ZNF670: variants seen among roughly 807,000 people sequenced by gnomAD.
ZNF670 encodes zinc finger protein 670.
Under a neutral mutation model 10.9 loss-of-function variants are expected in ZNF670, and 7 were observed. That is an observed-to-expected ratio of 0.64 (90% CI 0.36 to 1.20). ZNF670 has a LOEUF of 1.20. ZNF670 is among the 50% of genes most tolerant of loss of function. The probability of loss-of-function intolerance (pLI) is 0.02; values close to 1 mark genes in which losing one functional copy is unlikely to be tolerated. For missense variants in ZNF670, 446 were observed against 458.6 expected (o/e 0.97, Z 0.25); for synonymous variants, 136 against 152.7 (o/e 0.89, Z 0.81).
At chr1:247,053,658 AAAC>A (rs1165772965) in intron 1 of ZNF670, among the ~76,000 whole-genome samples, 14 of 144,106 alleles carry the variant, frequency 9.7e-5, no homozygotes, top group South Asian at 2.1e-4. Flanking sequence ...ACAAACAAAC[AAAC>A]AAAAATGGCA....
chr1:247,043,571 T>C, intron 1 of ZNF670: 6 of 651,526 alleles, frequency 9.2e-6, no homozygotes, highest in South Asian at 6.8e-5. Context: ...CTTCCAAAAG[T>C]CTCACAATTC....
intron 1 of ZNF670, among the ~76,000 whole-genome samples, chr1:247,067,092 G>A (rs1247166966): frequency 6.6e-6 from 1 of 152,100 alleles, no homozygotes; most frequent in African/African-American, 2.4e-5. Flanking sequence ...CTGAGGCTAT[G>A]TCATGGTTAC....
rs1243671850 is a variant in ZNF670, at chr1:247,035,103, T to C, written c.*2346A>G. Among the ~76,000 whole-genome samples, 1 of 152,200 alleles carries C rather than the reference T, an allele frequency of 6.6e-6. No individual in the cohort carries two copies. Among genetic ancestry groups the C allele is most frequent in the East Asian group, 1.9e-4 (1 of 5,192 alleles). On this transcript the variant is annotated 3_prime_UTR_variant, in exon 4 of 4. Transcript: ENST00000366503. ...TGTTTCTAATTCAGGTGACTTCTGT[T>C]ATATTATGGAACCAGTTAGACAAAA...
At chr1:247,054,192 A>AG (rs1470078288) in intron 1 of ZNF670, among the ~76,000 whole-genome samples, 4 of 152,214 alleles carry the variant, frequency 2.6e-5, no homozygotes, top group African/African-American at 9.6e-5. Flanking sequence ...CCTCAACACC[A>AG]GGGGCTAAAG....
At chr1:247,047,483 C>A (rs1670478908) in intron 1 of ZNF670, among the ~76,000 whole-genome samples, 1 of 152,108 alleles carries the variant, frequency 6.6e-6, no homozygotes, top group South Asian at 2.1e-4. Context: ...CTGCAGCAAA[C>A]TTCTGCCTAG....
intron 1 of ZNF670, among the ~76,000 whole-genome samples, chr1:247,070,613 A>C (rs903310546): frequency 3.3e-5 from 5 of 152,240 alleles, no homozygotes; most frequent in Non-Finnish European, 7.3e-5. Flanking sequence ...CAATCGCAAC[A>C]AAAACAAAAA....
intron 1 of ZNF670, among the ~76,000 whole-genome samples, chr1:247,067,791 G>A (rs539196159): frequency 0.022 from 2,676 of 122,358 alleles, 49 homozygotes; most frequent in Non-Finnish European, 0.029. Context: ...GCAGTGAGCC[G>A]AGATCCCGCC....
intron 1 of ZNF670, among the ~76,000 whole-genome samples, chr1:247,065,422 C>A (rs752931758): frequency 2.6e-5 from 4 of 152,046 alleles, no homozygotes; most frequent in African/African-American, 9.7e-5. Context: ...ATAACATGCC[C>A]TTCTGTCTTC....
rs61852628 is a variant in ZNF670, at chr1:247,045,276, A to G, written c.4-5739T>C. 7.7e-4 allele frequency among the ~76,000 whole-genome samples: 118 copies of G among 152,310 alleles called. No homozygotes were observed. The South Asian group carries it at 8.5e-3, about 11-fold the overall frequency. On this transcript the variant is annotated intron_variant, in intron 1 of 3. Coordinates refer to ENST00000366503, the MANE Select transcript of ZNF670 (RefSeq NM_033213.5). ...TTACATCCACAAACATTACCAGTTG[A>G]TACGGTTTGGCTGTGTGTTTCCTCC...
At chr1:247,059,285 C>CAA (rs796564332) in intron 1 of ZNF670, among the ~76,000 whole-genome samples, 1 of 144,810 alleles carries the variant, frequency 6.9e-6, no homozygotes, top group African/African-American at 2.5e-5. Context: ...ACTAAAAATA[C>CAA]AAAAAAAAAA....
intron 1 of ZNF670, among the ~76,000 whole-genome samples, chr1:247,052,520 C>T (rs1345242254): frequency 6.6e-6 from 1 of 151,996 alleles, no homozygotes; most frequent in Non-Finnish European, 1.5e-5. Flanking sequence ...CTGTGAGGGT[C>T]CTTGCTTGTA....
chr1:247,036,120 G>C lies in ZNF670; in HGVS notation c.*1329C>G, dbSNP rs961767325. Among the ~76,000 whole-genome samples, 2 of 152,052 alleles carry C rather than the reference G, an allele frequency of 1.3e-5. No individual in the cohort carries two copies. Among genetic ancestry groups the C allele is most frequent in the African/African-American group, 4.8e-5 (2 of 41,370 alleles). On this transcript the variant is annotated 3_prime_UTR_variant, in exon 4 of 4. Coordinates refer to ENST00000366503, the MANE Select transcript of ZNF670 (RefSeq NM_033213.5). ...TATCTGAAAGCCAGTTAACGTAATAGACTATCAGTAGAATGCCAAAAACCA... is the reference window on the plus strand; with the variant it reads ...TATCTGAAAGCCAGTTAACGTAATACACTATCAGTAGAATGCCAAAAACCA...
At position 247,038,179 on chromosome 1, in the gene ZNF670, C is replaced by G. The variant is rs180880168; in HGVS notation, c.440G>C (p.Gly147Ala). 1 of 1,614,106 alleles carries G rather than the reference C, an allele frequency of 6.2e-7. No individual in the cohort carries two copies. The highest frequency in any genetic ancestry group is 1.7e-5 in the Admixed American group (1 of 60,016). ...PEKLYHCKQC[G>A]KAFISLTSVD... is the part of the protein sequence containing the mutation. Reference sequence around the variant, plus strand: ...ACTGGTGAGAGAGATAAAGGCTTTCCCACATTGTTTGCAATGATATAACTT... The same window carrying G: ...ACTGGTGAGAGAGATAAAGGCTTTCGCACATTGTTTGCAATGATATAACTT... Residue 147 changes from glycine to alanine, a missense_variant, in exon 4 of 4, where the codon GGG (glycine) becomes GCG (alanine). Transcript: ENST00000366503.
chr1:247,067,358 C>T (rs1406875963), intron 1 of ZNF670, among the ~76,000 whole-genome samples: 1 of 150,358 alleles, frequency 6.7e-6, no homozygotes, highest in Admixed American at 6.6e-5. Flanking sequence ...ATCGCTTGAA[C>T]CTGGGAGGCA....
intron 1 of ZNF670, chr1:247,043,404 GA>G (rs943225137): frequency 5.4e-6 from 3 of 553,188 alleles, no homozygotes; most frequent in Admixed American, 2.8e-5. Flanking sequence ...TCACCTAACT[GA>G]AAAAATTCAC....
rs1216668546 is a variant in ZNF670, at chr1:247,039,058, TTC to T, written c.131-190_131-189del. 1.5e-4 allele frequency among the ~76,000 whole-genome samples: 16 copies of T among 107,648 alleles called. 1 individual carries two copies. The highest frequency in any genetic ancestry group is 2.3e-4 in the Non-Finnish European group (12 of 52,800). 70.6% of individuals were successfully genotyped at this position (107,648 alleles called of 152,430 possible). A position where few individuals can be genotyped will look rare whatever the true frequency, so the allele number is the denominator to read the frequency against. ...TCTTCTTCTTTTCTTTTTTCTTTCT[TTC>T]TTTTTTTTTTTTTTTTGAGACAGAT... is the stretch of plus-strand genomic sequence containing the variant. On this transcript the variant is annotated intron_variant, in intron 2 of 3. Coordinates refer to ENST00000366503, the MANE Select transcript of ZNF670 (RefSeq NM_033213.5).
intron 1 of ZNF670, among the ~76,000 whole-genome samples, chr1:247,076,239 T>C (rs1446712026): frequency 1.3e-5 from 2 of 151,372 alleles, no homozygotes; most frequent in South Asian, 2.1e-4. Flanking sequence ...CACTGTACTG[T>C]GCCCCACTGT....
At chr1:247,038,772 C>T (rs1285947944) in intron 3 of ZNF670, 38 bp downstream of exon 3, 9 of 1,547,402 alleles carry the variant, frequency 5.8e-6, no homozygotes, top group African/African-American at 1.4e-5. Context: ...GCTAAGATTC[C>T]CTCAAGGGGC....
At chr1:247,075,769 C>T (rs1671237767) in intron 1 of ZNF670, among the ~76,000 whole-genome samples, 1 of 152,118 alleles carries the variant, frequency 6.6e-6, no homozygotes, top group Non-Finnish European at 1.5e-5. Flanking sequence ...TATAAATTGT[C>T]CAGCCTCAGG....
Sources: gnomAD v4.1 joint callset for allele counts (sites outside exome capture counted in the v4.1 genomes callset) on GRCh38, gnomAD v4.1.1 for gene constraint, MANE v1.5 for transcripts, NCBI Gene and HGNC (gene_info 2026-07-23, HGNC 2026-07-21) for gene names.